Variants in SAMD4A observed in about 807,000 individuals in gnomAD.
SAMD4A encodes the protein protein Smaug homolog 1.
Under a neutral mutation model 81.3 loss-of-function variants are expected in SAMD4A, and 33 were observed. The ratio of observed to expected loss-of-function variants is 0.41; its 90% confidence interval spans 0.31 to 0.54. The LOEUF (loss-of-function observed/expected upper bound fraction) is 0.54, where lower values mean the gene tolerates loss of function less well. SAMD4A is among the 20% of genes least tolerant of loss of function. The pLI is 0.37. For missense variants in SAMD4A, 854 were observed against 951.1 expected, an observed-to-expected ratio of 0.90 and a Z score of 1.34; for synonymous variants, 389 against 382.1, an observed-to-expected ratio of 1.02 and a Z score of -0.21.
At chr14:54,597,584 CTTTTT>C (rs71127662) in intron 2 of SAMD4A, among the ~76,000 whole-genome samples, 1 of 90,860 alleles carries the variant, frequency 1.1e-5, no homozygotes, top group Non-Finnish European at 2.2e-5. Context: ...TTCCTTCTAT[CTTTTT>C]TTTTTTTTTT....
intron 3 of SAMD4A, among the ~76,000 whole-genome samples, chr14:54,724,597 G>C (rs1296099261): frequency 6.6e-6 from 1 of 152,174 alleles, no homozygotes; most frequent in Non-Finnish European, 1.5e-5. Flanking sequence ...GTGGGTCTTT[G>C]GGTTGCATTT....
intron 2 of SAMD4A, among the ~76,000 whole-genome samples, chr14:54,622,208 T>C (rs1019809059): frequency 2.6e-5 from 4 of 152,216 alleles, no homozygotes; most frequent in Admixed American, 2.6e-4. Context: ...AATTAATCAT[T>C]TAGAGTTTGT....
Position 54,567,826 on chromosome 14 carries a change from C to T in SAMD4A, c.-91C>T. ...CCTTGGAACAGGAACGCGTCTCCGG[C>T]CGCGGGGCTGCGGCTCCGCCAAACT... On this transcript the variant is annotated 5_prime_UTR_variant, in exon 2 of 13. Transcript: ENST00000554335. 1 of 1,426,306 alleles carries T rather than the reference C, an allele frequency of 7.0e-7. No homozygotes were observed. Among genetic ancestry groups the T allele is most frequent in the South Asian group, 1.2e-5 (1 of 80,580 alleles). 88.4% of individuals were successfully genotyped at this position (1,426,306 alleles called of 1,614,324 possible). A position where few individuals can be genotyped will look rare whatever the true frequency, so the allele number is the denominator to read the frequency against.
At chr14:54,775,298 C>G (rs1406930562) in intron 10 of SAMD4A, among the ~76,000 whole-genome samples, 163 bp downstream of exon 10, 2 of 152,220 alleles carry the variant, frequency 1.3e-5, no homozygotes, top group African/African-American at 2.4e-5. Context: ...GCGTTGTTCT[C>G]TAGCAGACAG....
intron 2 of SAMD4A, among the ~76,000 whole-genome samples, chr14:54,571,850 C>T (rs1326402201): frequency 6.6e-6 from 1 of 152,212 alleles, no homozygotes; most frequent in East Asian, 1.9e-4. Context: ...ACCCTCACCC[C>T]ATATTTGTGT....
chr14:54,752,862 C>CT (rs1276802180), intron 6 of SAMD4A, among the ~76,000 whole-genome samples: 2 of 152,154 alleles, frequency 1.3e-5, no homozygotes, highest in Non-Finnish European at 2.9e-5. Flanking sequence ...AACATGTGAG[C>CT]AATAGAATCT....
chr14:54,712,314 G>T (rs1165487477), intron 3 of SAMD4A, among the ~76,000 whole-genome samples: 2 of 151,992 alleles, frequency 1.3e-5, no homozygotes, highest in African/African-American at 4.8e-5. Context: ...AGCCAACCTG[G>T]CATGTAACTG....
rs1048610928 is a variant in SAMD4A, at chr14:54,692,129, T to A, written c.197-9933T>A. ...ATCTCTTGAGTTGGGAAATTTTGTCTATAAGTTGTTGAGCAACTTCCTCGT... is the reference window on the plus strand; with the variant it reads ...ATCTCTTGAGTTGGGAAATTTTGTCAATAAGTTGTTGAGCAACTTCCTCGT... On this transcript the variant is annotated intron_variant, in intron 2 of 12. Coordinates refer to ENST00000554335, the MANE Select transcript of SAMD4A (RefSeq NM_015589.6). Among the ~76,000 whole-genome samples, 11 of 152,226 alleles carry A rather than the reference T, an allele frequency of 7.2e-5. 1 individual carries two copies. Among genetic ancestry groups the A allele is most frequent in the Admixed American group, 5.9e-4 (9 of 15,282 alleles).
Position 54,765,961 on chromosome 14 carries a change from GC to G in SAMD4A, c.1596+1422del, listed in dbSNP as rs562672638. ...GTATGGATTCTTATGTGCCCAAGCG[GC>G]TCTGGCCAAAGTTGTCAGTGTGACT... On this transcript the variant is annotated intron_variant, in intron 8 of 12. Coordinates refer to ENST00000554335, the MANE Select transcript of SAMD4A (RefSeq NM_015589.6). Among the ~76,000 whole-genome samples, 17 of 152,232 alleles carry G rather than the reference GC, an allele frequency of 1.1e-4. No homozygotes were observed. The East Asian group carries it at 3.1e-3, about 28-fold the overall frequency.
At chr14:54,623,819 G>C (rs1178974252) in intron 2 of SAMD4A, among the ~76,000 whole-genome samples, 2 of 152,152 alleles carry the variant, frequency 1.3e-5, no homozygotes, top group African/African-American at 4.8e-5. Flanking sequence ...TGAAACATTA[G>C]AAGGAAATGG....
chr14:54,565,636 C>G (rs919733457), upstream of SAMD4A, among the ~76,000 whole-genome samples: 1 of 152,024 alleles, frequency 6.6e-6, no homozygotes, highest in Non-Finnish European at 1.5e-5. The surrounding 1 kb of genome is among the most constrained non-coding windows in gnomAD (Gnocchi z 5.4). Flanking sequence ...CCTCGGCCAC[C>G]CCGGGGCCCC....
intron 2 of SAMD4A, among the ~76,000 whole-genome samples, chr14:54,648,820 C>A (rs1347320446): frequency 6.6e-6 from 1 of 152,128 alleles, no homozygotes; most frequent in Non-Finnish European, 1.5e-5. Flanking sequence ...AATGACCACT[C>A]TGAATGCGGC....
intron 2 of SAMD4A, among the ~76,000 whole-genome samples, chr14:54,675,741 A>G (rs2035980446): frequency 6.6e-6 from 1 of 152,224 alleles, no homozygotes; most frequent in African/African-American, 2.4e-5. Flanking sequence ...CATTTTTGAA[A>G]GTGAGGCGAG....
chr14:54,587,885 G>T (rs2033668360), intron 2 of SAMD4A, among the ~76,000 whole-genome samples: 1 of 152,052 alleles, frequency 6.6e-6, no homozygotes, highest in African/African-American at 2.4e-5. Context: ...TTAGTATTAG[G>T]GTGATACTGG....
At chr14:54,634,021 G>T (rs534825577) in intron 2 of SAMD4A, among the ~76,000 whole-genome samples, 3 of 152,036 alleles carry the variant, frequency 2.0e-5, no homozygotes, top group Non-Finnish European at 4.4e-5. Context: ...TATTCAGCTG[G>T]GTGCGGTGGC....
chr14:54,664,466 G>A (rs571434990), intron 2 of SAMD4A, among the ~76,000 whole-genome samples: 31 of 152,260 alleles, frequency 2.0e-4, no homozygotes, highest in South Asian at 6.2e-4. Context: ...GCTGAGGAGC[G>A]CGCAGACACA....
At chr14:54,773,389 A>G (rs1327065622) in intron 9 of SAMD4A, among the ~76,000 whole-genome samples, 1 of 152,194 alleles carries the variant, frequency 6.6e-6, no homozygotes, top group African/African-American at 2.4e-5. Flanking sequence ...GTCGCTGGAA[A>G]AGCAGATCTC....
chr14:54,687,363 G>T lies in SAMD4A; in HGVS notation c.197-14699G>T, dbSNP rs1297341653. 7 of 456,478 alleles carry T rather than the reference G, an allele frequency of 1.5e-5. 1 individual carries two copies. The East Asian group carries it at 4.9e-4, about 32-fold the overall frequency. 28.3% of individuals were successfully genotyped at this position (456,478 alleles called of 1,614,324 possible). On this transcript the variant is annotated intron_variant, in intron 2 of 12. Transcript: ENST00000554335. Reference sequence around the variant, plus strand: ...GGAGGACCAGGAAGGGTGGTGTGTGGTCAGCTGCTGATTTTCCTTGAAGAA... The same window carrying T: ...GGAGGACCAGGAAGGGTGGTGTGTGTTCAGCTGCTGATTTTCCTTGAAGAA...
At position 54,588,581 on chromosome 14, in the gene SAMD4A, A is replaced by C. The variant is rs973147872; in HGVS notation, c.196+20469A>C. 7.9e-5 allele frequency among the ~76,000 whole-genome samples: 12 copies of C among 152,236 alleles called. No homozygotes were observed. The East Asian group carries it at 2.3e-3, about 29-fold the overall frequency. On this transcript the variant is annotated intron_variant, in intron 2 of 12. Transcript: ENST00000554335. ...CAATGAGTGCTCCTGTGAACATTTAAGTATTTTTTTTGTACACTCTTTTCT... is the reference window on the plus strand; with the variant it reads ...CAATGAGTGCTCCTGTGAACATTTACGTATTTTTTTTGTACACTCTTTTCT...
Sources: allele counts gnomAD v4.1 joint callset (sites outside exome capture counted in the v4.1 genomes callset), GRCh38; gene constraint gnomAD v4.1.1; non-coding constraint Gnocchi (gnomAD v3.1); transcripts MANE v1.5; gene names NCBI Gene and HGNC (gene_info 2026-07-23, HGNC 2026-07-21).